Variants in PSME4 observed in about 807,000 individuals in gnomAD.
PSME4 encodes proteasome activator subunit 4, also known as proteasome activator complex subunit 4.
PSME4 carries 89 observed loss-of-function variants against 253.9 expected under a neutral mutation model. The ratio of observed to expected loss-of-function variants is 0.35; its 90% CI spans 0.30 to 0.42. The LOEUF (loss-of-function observed/expected upper bound fraction) is 0.42. Ranked by LOEUF, PSME4 falls within the 10% of genes least tolerant of loss-of-function variation. The pLI, the probability that PSME4 is intolerant of heterozygous loss-of-function variation, is 1.00. For missense variants in PSME4, 2,014 were observed against 2,195.2 expected (o/e 0.92, Z 1.65); for synonymous variants, 851 against 759.2 (o/e 1.12, Z -1.99).
rs199900623 is a variant in PSME4, at chr2:53,898,633, G to GCACACA, written c.3423-285_3423-280dup. ...AGTAGTAATCAATTAATTGGGAGTG[G>GCACACA]CACACACACACACACACACACACAC... On this transcript the variant is annotated intron_variant, in intron 29 of 46. Coordinates refer to ENST00000404125, the MANE Select transcript of PSME4 (RefSeq NM_014614.3). 6.3e-3 allele frequency among the ~76,000 whole-genome samples: 900 copies of GCACACA among 142,490 alleles called. 7 individuals carry two copies. The highest frequency in any genetic ancestry group is 0.01 in the African/African-American group (399 of 38,930). 93.5% of individuals were successfully genotyped at this position (142,490 alleles called of 152,430 possible).
At position 53,895,056 on chromosome 2, in the gene PSME4, C is replaced by T; in HGVS notation, c.3863G>A (p.Gly1288Asp). 1 of 1,612,402 alleles carries T rather than the reference C, an allele frequency of 6.2e-7. No homozygotes were observed. The highest frequency in any genetic ancestry group is 8.5e-7 in the Non-Finnish European group (1 of 1,179,608). The change falls in exon 34 of 47, where the codon GGT (glycine) becomes GAT (aspartate). Residue 1288 changes from glycine to aspartate, a missense_variant. Gly to Asp is a moderately conservative substitution (Grantham distance 94). Transcript: ENST00000404125. The part of the protein sequence containing the change: ...TWPKNMVVYA[G>D]VEEQPKLGRS... Reference sequence around the variant, plus strand: ...GCCAAGCTTAGGCTGCTCTTCCACACCAGCATAAACAACCATATTCCTATA... The same window carrying T: ...GCCAAGCTTAGGCTGCTCTTCCACATCAGCATAAACAACCATATTCCTATA...
intron 43 of PSME4, among the ~76,000 whole-genome samples, chr2:53,872,981 C>T (rs1293258996): frequency 2.6e-5 from 4 of 151,726 alleles, no homozygotes; most frequent in African/African-American, 9.7e-5. Context: ...TGGCTCACGA[C>T]TGTAATCCCA....
At chr2:53,886,676 T>C (rs544567517) in intron 40 of PSME4, among the ~76,000 whole-genome samples, 2 of 152,278 alleles carry the variant, frequency 1.3e-5, no homozygotes, top group East Asian at 1.9e-4. Flanking sequence ...AAATACTACA[T>C]GGTCTAACAA....
chr2:53,894,071 T>C (rs1040164942), intron 34 of PSME4, among the ~76,000 whole-genome samples: 2 of 152,088 alleles, frequency 1.3e-5, no homozygotes, highest in African/African-American at 2.4e-5. Context: ...GCTTGGGAAA[T>C]GAAGACTGAA....
chr2:53,887,170 T>A lies in PSME4; in HGVS notation c.4729+89A>T. 3 of 1,188,238 alleles carry A rather than the reference T, an allele frequency of 2.5e-6. No individual in the cohort carries two copies. In the South Asian group the frequency reaches 4.2e-5, roughly 16 times the overall value. 73.6% of individuals were successfully genotyped at this position (1,188,238 alleles called of 1,614,324 possible). On this transcript the variant is annotated intron_variant, in intron 40 of 46. Coordinates refer to ENST00000404125, the MANE Select transcript of PSME4 (RefSeq NM_014614.3). ...AGTAAATTTTTCATTATGTCTATTT[T>A]ACCACAATAAAAAAAGTGGTGCAAA...
intron 1 of PSME4, among the ~76,000 whole-genome samples, chr2:53,953,751 T>C (rs745654880): frequency 3.9e-5 from 6 of 152,132 alleles, no homozygotes; most frequent in Non-Finnish European, 5.9e-5. Flanking sequence ...AGATGGTGCA[T>C]TCCCTCTTTC....
chr2:53,968,387 T>G (rs1387970333), intron 1 of PSME4, among the ~76,000 whole-genome samples: 1 of 151,892 alleles, frequency 6.6e-6, no homozygotes, highest in Admixed American at 6.6e-5. Context: ...TGGGAGAAAC[T>G]AGATTTTCTT....
chr2:53,866,058 T>C, intron 46 of PSME4, 27 bp downstream of exon 46: 1 of 1,579,018 alleles, frequency 6.3e-7, no homozygotes, highest in Non-Finnish European at 8.7e-7. Flanking sequence ...ACCAAACCAA[T>C]GTAAATTCAG....
intron 28 of PSME4, among the ~76,000 whole-genome samples, chr2:53,900,297 C>T (rs1680335937): frequency 1.3e-5 from 2 of 151,642 alleles, no homozygotes; most frequent in Non-Finnish European, 2.9e-5. Flanking sequence ...GGTGGCTCAT[C>T]TCTGTAATCC....
intron 1 of PSME4, among the ~76,000 whole-genome samples, chr2:53,951,086 C>A (rs1456968854): frequency 6.6e-6 from 1 of 151,816 alleles, no homozygotes; most frequent in South Asian, 2.1e-4. Context: ...CATTTAACTT[C>A]TTTTTTTTCC....
intron 44 of PSME4, among the ~76,000 whole-genome samples, chr2:53,867,519 A>AAT: frequency 6.6e-6 from 1 of 150,782 alleles, no homozygotes; most frequent in Non-Finnish European, 1.5e-5. Context: ...AAAAAAAAAA[A>AAT]AAAGCTAGGC....
chr2:53,942,870 T>C (rs1396801644), intron 3 of PSME4, among the ~76,000 whole-genome samples: 1 of 152,214 alleles, frequency 6.6e-6, no homozygotes, highest in African/African-American at 2.4e-5. Context: ...AAGAGAGTTC[T>C]TGTCCCAGTT....
chr2:53,924,706 G>A (rs1668479402), intron 14 of PSME4, among the ~76,000 whole-genome samples: 1 of 152,062 alleles, frequency 6.6e-6, no homozygotes, highest in African/African-American at 2.4e-5. Context: ...CATGTGCCAT[G>A]TTCCTGTGCT....
At chr2:53,957,324 T>C (rs1279161553) in intron 1 of PSME4, among the ~76,000 whole-genome samples, 2 of 152,216 alleles carry the variant, frequency 1.3e-5, no homozygotes, top group African/African-American at 4.8e-5. Context: ...AATTGTAATA[T>C]ATAATGAAAC....
intron 28 of PSME4, among the ~76,000 whole-genome samples, chr2:53,900,321 G>A (rs1315919236): frequency 6.6e-6 from 1 of 151,974 alleles, no homozygotes; most frequent in African/African-American, 2.4e-5. Context: ...CACTTTGGGA[G>A]GTCAAGGTGA....
At chr2:53,919,736 C>T (rs2104450182) in intron 19 of PSME4, among the ~76,000 whole-genome samples, 1 of 152,078 alleles carries the variant, frequency 6.6e-6, no homozygotes, top group East Asian at 1.9e-4. Flanking sequence ...AATTTTCTTG[C>T]TATTATTTTA....
chr2:53,893,053 T>C, intron 35 of PSME4, 93 bp from the exon 36 acceptor site: 1 of 1,202,944 alleles, frequency 8.3e-7, no homozygotes, highest in Non-Finnish European at 1.1e-6. Flanking sequence ...CTAACGTGCT[T>C]AAAAGCTCCA....
chr2:53,895,891 C>T (rs1385236671), intron 32 of PSME4, among the ~76,000 whole-genome samples, 155 bp from the exon 33 acceptor site: 1 of 152,146 alleles, frequency 6.6e-6, no homozygotes, highest in Non-Finnish European at 1.5e-5. Context: ...ATTGGAGGCA[C>T]ATTTCAAAAC....
intron 1 of PSME4, among the ~76,000 whole-genome samples, chr2:53,957,706 A>G (rs773493749): frequency 4.6e-5 from 7 of 152,194 alleles, no homozygotes; most frequent in Non-Finnish European, 1.0e-4. Flanking sequence ...AAAATGTTTA[A>G]GTATCACCAT....
Sources: gnomAD v4.1 joint callset for allele counts (sites outside exome capture counted in the v4.1 genomes callset) on GRCh38, gnomAD v4.1.1 for gene constraint, MANE v1.5 for transcripts, NCBI Gene and HGNC (gene_info 2026-07-23, HGNC 2026-07-21) for gene names.